STXBP6: variants seen among roughly 807,000 people sequenced by gnomAD.
The protein encoded by STXBP6 is syntaxin binding protein 6.
STXBP6 carries 21 observed loss-of-function variants against 26.9 expected under a neutral mutation model. That is an observed-to-expected ratio of 0.78 (90% CI 0.55 to 1.12). The LOEUF is 1.12. STXBP6 is among the 50% of genes most tolerant of loss of function. The probability of loss-of-function intolerance (pLI) is 0.00; values close to 1 mark genes in which losing one functional copy is unlikely to be tolerated. For missense variants in STXBP6, 232 were observed against 257.9 expected, an observed-to-expected ratio of 0.90 and a Z score of 0.69; for synonymous variants, 97 against 92.6, an observed-to-expected ratio of 1.05 and a Z score of -0.27.
At chr14:24,862,843 G>T (rs967303540) in intron 2 of STXBP6, among the ~76,000 whole-genome samples, 2 of 152,166 alleles carry the variant, frequency 1.3e-5, no homozygotes, top group African/African-American at 4.8e-5. Flanking sequence ...AGAGTAGTTA[G>T]CAACTATGCA....
chr14:24,859,986 C>T (rs144419970), intron 2 of STXBP6, among the ~76,000 whole-genome samples: 68 of 152,294 alleles, frequency 4.5e-4, no homozygotes, highest in African/African-American at 1.5e-3. Flanking sequence ...GGCTTCATGC[C>T]TCTTCTTTGG....
intron 2 of STXBP6, among the ~76,000 whole-genome samples, chr14:24,874,899 G>C (rs2070078849): frequency 6.6e-6 from 1 of 152,108 alleles, no homozygotes; most frequent in Non-Finnish European, 1.5e-5. Context: ...CATTAAAATG[G>C]CTCTCCAGTG....
At chr14:24,966,919 T>TTA (rs1386075286) in intron 2 of STXBP6, among the ~76,000 whole-genome samples, 3 of 152,298 alleles carry the variant, frequency 2.0e-5, no homozygotes, top group African/African-American at 7.2e-5. Flanking sequence ...AACCAAAGCC[T>TTA]AAACCTGTAG....
chr14:24,918,067 C>A (rs965451685), intron 2 of STXBP6, among the ~76,000 whole-genome samples: 1 of 151,852 alleles, frequency 6.6e-6, no homozygotes, highest in African/African-American at 2.4e-5. Flanking sequence ...ATAGGTAAAT[C>A]CATAGAGATA....
intron 1 of STXBP6, among the ~76,000 whole-genome samples, chr14:24,995,304 T>A (rs1037787574): frequency 1.2e-4 from 19 of 152,330 alleles, no homozygotes; most frequent in African/African-American, 3.8e-4. Context: ...GGCCCCACTT[T>A]CTGCAACCAT....
At chr14:24,833,210 G>A (rs2068509158) in intron 4 of STXBP6, among the ~76,000 whole-genome samples, 1 of 152,124 alleles carries the variant, frequency 6.6e-6, no homozygotes, top group African/African-American at 2.4e-5. Flanking sequence ...CATGGCACCT[G>A]CACACTCCTT....
intron 5 of STXBP6, among the ~76,000 whole-genome samples, chr14:24,814,913 T>G (rs2067927285): frequency 6.6e-6 from 1 of 152,234 alleles, no homozygotes; most frequent in Non-Finnish European, 1.5e-5. Context: ...TGCCAGTACC[T>G]TGATCTTTGA....
At chr14:24,954,217 G>T (rs2073265637) in intron 2 of STXBP6, among the ~76,000 whole-genome samples, 1 of 152,132 alleles carries the variant, frequency 6.6e-6, no homozygotes, top group African/African-American at 2.4e-5. Context: ...TTGACTAGGG[G>T]TGGTTTATTT....
chr14:24,831,828 C>T (rs976329460), intron 4 of STXBP6, among the ~76,000 whole-genome samples: 25 of 152,146 alleles, frequency 1.6e-4, no homozygotes, highest in Non-Finnish European at 2.1e-4. Flanking sequence ...AATAAACTCA[C>T]ACCCCCATTG....
intron 2 of STXBP6, among the ~76,000 whole-genome samples, chr14:24,891,777 T>G (rs780054362): frequency 1.3e-5 from 2 of 152,236 alleles, no homozygotes; most frequent in Non-Finnish European, 2.9e-5. Context: ...TCTAATGGAA[T>G]ACTGTGTTCC....
At chr14:24,950,537 T>C (rs575868644) in intron 2 of STXBP6, among the ~76,000 whole-genome samples, 18 of 152,226 alleles carry the variant, frequency 1.2e-4, no homozygotes, top group Admixed American at 6.5e-4. Flanking sequence ...TATGGATAAA[T>C]AAATCTCACA....
chr14:24,834,794 TG>T (rs1472085097), intron 4 of STXBP6, among the ~76,000 whole-genome samples: 1 of 152,086 alleles, frequency 6.6e-6, no homozygotes, highest in Admixed American at 6.6e-5. Context: ...GAGAAGGGCT[TG>T]GTAGAGATGA....
At chr14:24,843,000 ACT>A (rs1207528359) in intron 4 of STXBP6, among the ~76,000 whole-genome samples, 1 of 152,216 alleles carries the variant, frequency 6.6e-6, no homozygotes, top group African/African-American at 2.4e-5. Context: ...GTTAATGACC[ACT>A]GAAGAAAGAA....
intron 2 of STXBP6, among the ~76,000 whole-genome samples, chr14:24,902,373 G>A (rs909481504): frequency 1.3e-5 from 2 of 152,168 alleles, no homozygotes; most frequent in East Asian, 3.9e-4. Context: ...GCTGGATATA[G>A]AGTGTATATG....
intron 1 of STXBP6, among the ~76,000 whole-genome samples, chr14:25,012,488 G>A (rs769861568): frequency 1.3e-5 from 2 of 152,098 alleles, no homozygotes; most frequent in Non-Finnish European, 2.9e-5. Flanking sequence ...CAGCTATCTG[G>A]GAGTCTGAGG....
chr14:24,853,347 C>T (rs1377480099), intron 4 of STXBP6, among the ~76,000 whole-genome samples: 1 of 152,068 alleles, frequency 6.6e-6, no homozygotes, highest in Non-Finnish European at 1.5e-5. Context: ...TGTGTTGGCA[C>T]AACTATTATT....
In STXBP6 at chr14:25,023,749, C is replaced by T. The variant is rs149144846; in HGVS notation, c.-33+26129G>A. On this transcript the variant is annotated intron_variant, in intron 1 of 5. Coordinates refer to ENST00000323944, the MANE Select transcript of STXBP6 (RefSeq NM_001394410.1). ...AGATGGAGGTAACCTATGATCATAC[C>T]ACTGTATTCCAGCCTGGGCAATGGA... is the stretch of plus-strand genomic sequence containing the variant. Among the ~76,000 whole-genome samples the T allele has an allele frequency of 2.0e-4, 31 of 152,114 alleles. No homozygotes were observed. In the East Asian group the frequency reaches 6.0e-3, roughly 29 times the overall value.
At position 25,014,807 on chromosome 14, in the gene STXBP6, A is replaced by G. The variant is rs543329390; in HGVS notation, c.-33+35071T>C. Among the ~76,000 whole-genome samples the G allele has an allele frequency of 3.2e-4, 49 of 152,392 alleles. 1 individual carries two copies. The highest frequency in any genetic ancestry group is 1.1e-3 in the African/African-American group (47 of 41,600). On this transcript the variant is annotated intron_variant, in intron 1 of 5. Transcript: ENST00000323944. ...AAAAACTCTACACAGAAAACTGTTT[A>G]AAAAGCTTTTCACATAAAAAGAAAA...
At chr14:24,889,179 G>A (rs936387255) in intron 2 of STXBP6, among the ~76,000 whole-genome samples, 2 of 151,530 alleles carry the variant, frequency 1.3e-5, no homozygotes, top group African/African-American at 2.4e-5. Flanking sequence ...TCTTAAATAT[G>A]AGCCAACCAC....
Sources: gnomAD v4.1 joint callset for allele counts (sites outside exome capture counted in the v4.1 genomes callset) on GRCh38, gnomAD v4.1.1 for gene constraint, MANE v1.5 for transcripts, NCBI Gene and HGNC (gene_info 2026-07-23, HGNC 2026-07-21) for gene names.